Variants in RUFY3 observed in about 807,000 individuals in gnomAD.
RUFY3 encodes RUN and FYVE domain containing 3, also known as protein RUFY3.
In RUFY3, 34 loss-of-function variants were observed where a neutral mutation model predicts 84.0. That is an observed-to-expected ratio of 0.40 (90% CI 0.31 to 0.54). The LOEUF is 0.54. Ranked by LOEUF, RUFY3 falls within the 20% of genes least tolerant of loss-of-function variation. RUFY3 has a pLI of 0.39. For missense variants in RUFY3, 507 were observed against 736.8 expected (o/e 0.69, Z 3.61); for synonymous variants, 242 against 252.9 (o/e 0.96, Z 0.41).
upstream of RUFY3, among the ~76,000 whole-genome samples, chr4:70,720,888 C>CGTGTGTGTGT (rs71210198): frequency 1.2e-3 from 165 of 138,556 alleles, 1 homozygote; most frequent in African/African-American, 3.1e-3. Flanking sequence ...AATATAGGGC[C>CGTGTGTGTGT]GTGTGTGTGT....
intron 2 of RUFY3, among the ~76,000 whole-genome samples, chr4:70,762,995 A>G (rs1386007671): frequency 6.6e-6 from 1 of 152,204 alleles, no homozygotes; most frequent in Admixed American, 6.5e-5. Flanking sequence ...GACTTGGTCA[A>G]GGTCACACAT....
chr4:70,805,420 G>T (rs1732735326), intron 17 of RUFY3, among the ~76,000 whole-genome samples: 1 of 152,126 alleles, frequency 6.6e-6, no homozygotes, highest in African/African-American at 2.4e-5. Flanking sequence ...ATCTAATATG[G>T]TACCCAATCC....
At chr4:70,763,015 G>A (rs1317157650) in intron 2 of RUFY3, among the ~76,000 whole-genome samples, 1 of 152,200 alleles carries the variant, frequency 6.6e-6, no homozygotes, top group African/African-American at 2.4e-5. Context: ...TTGAGTTGTG[G>A]CAGAGTAGGT....
In RUFY3 at chr4:70,743,890, G is replaced by A. The variant is rs111494464; in HGVS notation, c.179-18629G>A. Among the ~76,000 whole-genome samples, 1,040 of 151,956 alleles carry A rather than the reference G, an allele frequency of 6.8e-3. 20 individuals carry two copies. The highest frequency in any genetic ancestry group is 0.024 in the African/African-American group (1,003 of 41,460). ...CTTGATATCCTTCTCTGCTTTTCTT[G>A]CCTCATGGTCTCAATCACAGTTATG... On this transcript the variant is annotated intron_variant, in intron 1 of 17. Coordinates refer to ENST00000381006, the MANE Select transcript of RUFY3 (RefSeq NM_001037442.4).
chr4:70,802,515 TA>T (rs1366424164), intron 15 of RUFY3, among the ~76,000 whole-genome samples: 1 of 152,164 alleles, frequency 6.6e-6, no homozygotes, highest in Non-Finnish European at 1.5e-5. Flanking sequence ...GTTAATTTGC[TA>T]AAGCTCACAT....
At chr4:70,757,371 G>A (rs574967062) in intron 1 of RUFY3, among the ~76,000 whole-genome samples, 10 of 152,194 alleles carry the variant, frequency 6.6e-5, no homozygotes, top group South Asian at 2.1e-4. Context: ...TTGGGAGGCC[G>A]AGGCAGGTGG....
At chr4:70,758,215 C>A (rs1197863937) in intron 1 of RUFY3, among the ~76,000 whole-genome samples, 1 of 152,146 alleles carries the variant, frequency 6.6e-6, no homozygotes, top group Non-Finnish European at 1.5e-5. Context: ...CCCTTTTTAA[C>A]AGGATAGGTT....
intron 1 of RUFY3, among the ~76,000 whole-genome samples, chr4:70,754,222 T>C (rs1283081955): frequency 2.0e-5 from 3 of 151,992 alleles, no homozygotes; most frequent in Non-Finnish European, 4.4e-5. Context: ...CCAGCTAACT[T>C]TTGTACTTTT....
intron 1 of RUFY3, among the ~76,000 whole-genome samples, chr4:70,709,189 T>G (rs1740693934): frequency 6.6e-6 from 1 of 152,230 alleles, no homozygotes; most frequent in African/African-American, 2.4e-5. Context: ...AAAGGAGACT[T>G]CTGATGTGCC....
In RUFY3 at chr4:70,794,819, A is replaced by G; in HGVS notation, c.1482A>G (p.Lys494=). Reference sequence around the variant, plus strand: ...GGAACCAGCTTGAGTTAGAACTAAAACAGGAAAAAGAAAGAAGATTACAAA... The same window carrying G: ...GGAACCAGCTTGAGTTAGAACTAAAGCAGGAAAAAGAAAGAAGATTACAAA... ...RQRNQLELEL[K]QEKERRLQND... is the part of the protein sequence containing the mutation. The change falls in exon 14 of 18, where the codon AAA becomes AAG. Residue 494 remains lysine, a synonymous_variant. Coordinates refer to ENST00000381006, the MANE Select transcript of RUFY3 (RefSeq NM_001037442.4). The G allele has an allele frequency of 1.9e-6, 3 of 1,612,866 alleles. No homozygotes were observed. Among genetic ancestry groups the G allele is most frequent in the Non-Finnish European group, 1.7e-6 (2 of 1,179,296 alleles).
rs191415458 is a variant in RUFY3 at position 70,737,572 on chromosome 4, G to A, written c.178+14821G>A. On this transcript the variant is annotated intron_variant, in intron 1 of 17. Coordinates refer to ENST00000381006, the MANE Select transcript of RUFY3 (RefSeq NM_001037442.4). ...TGGTCAGGGCTTTCTTTCCTCATCCGCTCACCCCCCATCAGGCTCAGCCCT... is the reference window on the plus strand; with the variant it reads ...TGGTCAGGGCTTTCTTTCCTCATCCACTCACCCCCCATCAGGCTCAGCCCT... Among the ~76,000 whole-genome samples, 30 of 151,986 alleles carry A rather than the reference G, an allele frequency of 2.0e-4. No homozygotes were observed. In the East Asian group the frequency reaches 3.9e-3, roughly 20 times the overall value.
Position 70,722,469 on chromosome 4 carries a change from C to A in RUFY3, c.-105C>A. Reference sequence around the variant, plus strand: ...TTTTCCTGAAAGCTTTGTTTCAGAGCTTTGTATTGGGTTTTTTTGGTGAGG... The same window carrying A: ...TTTTCCTGAAAGCTTTGTTTCAGAGATTTGTATTGGGTTTTTTTGGTGAGG... On this transcript the variant is annotated 5_prime_UTR_variant, in exon 1 of 18. Coordinates refer to ENST00000381006, the MANE Select transcript of RUFY3 (RefSeq NM_001037442.4). The A allele has an allele frequency of 7.2e-7, 1 of 1,381,260 alleles. No individual in the cohort carries two copies. The highest frequency in any genetic ancestry group is 2.6e-5 in the Admixed American group (1 of 38,458). 85.6% of individuals were successfully genotyped at this position (1,381,260 alleles called of 1,614,324 possible). A position where few individuals can be genotyped will look rare whatever the true frequency, so the allele number is the denominator to read the frequency against.
chr4:70,765,865 C>T (rs1246679918), intron 4 of RUFY3, among the ~76,000 whole-genome samples: 12 of 151,534 alleles, frequency 7.9e-5, no homozygotes, highest in African/African-American at 2.7e-4. Flanking sequence ...CGGGTTCAAG[C>T]GATTCTCCTG....
At chr4:70,747,987 G>A (rs1722505594) in intron 1 of RUFY3, among the ~76,000 whole-genome samples, 1 of 151,994 alleles carries the variant, frequency 6.6e-6, no homozygotes, top group South Asian at 2.1e-4. Context: ...AGTCTCTCAG[G>A]GCAAAAATGT....
At chr4:70,791,171 T>C in intron 12 of RUFY3, 1 of 1,455,326 alleles carries the variant, frequency 6.9e-7, no homozygotes. Context: ...GTGTTTCCTG[T>C]TTATCCATTT....
Position 70,788,972 on chromosome 4 carries a change from A to C in RUFY3, c.1238A>C (p.Gln413Pro). 5.0e-6 allele frequency: 8 copies of C among 1,613,902 alleles called. No homozygotes were observed. The highest frequency in any genetic ancestry group is 5.9e-6 in the Non-Finnish European group (7 of 1,179,824). Residue 413 changes from glutamine (Q) to proline (P), a missense_variant and splice_region_variant, in exon 11 of 18, where the codon CAG becomes CCG. Physicochemically the swap from Gln to Pro is moderately conservative, Grantham distance 76. Coordinates refer to ENST00000381006, the MANE Select transcript of RUFY3 (RefSeq NM_001037442.4). ...ALKHELAFKL[Q>P]SSDLGVKQKS... ...AAGCATGAACTTGCCTTTAAGCTGC[A>C]GGTAGGGGAAATATGAGGAATAGAC...
At chr4:70,782,743 T>G (rs1417068907) in intron 8 of RUFY3, among the ~76,000 whole-genome samples, 1 of 152,032 alleles carries the variant, frequency 6.6e-6, no homozygotes, top group Non-Finnish European at 1.5e-5. Flanking sequence ...TGAAACCTTG[T>G]CTCTACTAAA....
chr4:70,726,911 C>G (rs1235796149), intron 1 of RUFY3, among the ~76,000 whole-genome samples: 2 of 152,192 alleles, frequency 1.3e-5, no homozygotes, highest in South Asian at 2.1e-4. Flanking sequence ...AGAGGAGCAG[C>G]CTTGTTTATA....
At chr4:70,705,395 C>G in intron 1 of RUFY3, 1 of 862,206 alleles carries the variant, frequency 1.2e-6, no homozygotes. Flanking sequence ...GCGGGGTGAC[C>G]CGAGCCGGGT....
Sources: allele counts gnomAD v4.1 joint callset (sites outside exome capture counted in the v4.1 genomes callset), GRCh38; gene constraint gnomAD v4.1.1; transcripts MANE v1.5; gene names NCBI Gene and HGNC (gene_info 2026-07-23, HGNC 2026-07-21).